SSX2IP: variants seen among roughly 807,000 people sequenced by gnomAD.
SSX2IP encodes the protein afadin- and alpha-actinin-binding protein.
In SSX2IP, 55 loss-of-function variants were observed where a neutral mutation model predicts 84.9. That is an observed-to-expected ratio of 0.65 (90% CI 0.52 to 0.81). SSX2IP has a LOEUF of 0.81. Among genes scored for constraint, SSX2IP ranks in the 30% least tolerant of loss-of-function variants. SSX2IP has a pLI of 0.00. For synonymous variants in SSX2IP, 239 were observed against 234.7 expected (o/e 1.02, Z -0.17); for missense variants, 664 against 705.2 (o/e 0.94, Z 0.66).
rs760304925 is a variant in SSX2IP at position 84,656,427 on chromosome 1, T to C, written c.1136A>G (p.His379Arg). Residue 379 changes from histidine (H) to arginine (R), a missense_variant, in exon 10 of 14, where the codon CAT (histidine) becomes CGT (arginine). His to Arg is a conservative substitution (Grantham distance 29). Coordinates refer to ENST00000342203, the MANE Select transcript of SSX2IP (RefSeq NM_001166293.2). ...NDEDVISRQD[H>R]EQETEKLELE... ...CTCGAGTTTTTCAGTTTCTTGTTCA[T>C]GGTCTTGTCGTGAGATTACATCTTC... The C allele has an allele frequency of 6.2e-7, 1 of 1,613,674 alleles. No homozygotes were observed. Among genetic ancestry groups the C allele is most frequent in the Admixed American group, 1.7e-5 (1 of 60,014 alleles).
In SSX2IP at chr1:84,647,623, A is replaced by G; in HGVS notation, c.1671-16T>C. The G allele has an allele frequency of 6.5e-7, 1 of 1,537,590 alleles. No homozygotes were observed. Among genetic ancestry groups the G allele is most frequent in the South Asian group, 1.3e-5 (1 of 78,376 alleles). On this transcript the variant is annotated splice_polypyrimidine_tract_variant and intron_variant, in intron 13 of 13. Coordinates refer to ENST00000342203, the MANE Select transcript of SSX2IP (RefSeq NM_001166293.2). ...ATTGATTGAACTGTTGGGAAAAGAA[A>G]GGCAGATCTTAGTGACTATCCTCTC...
intron 2 of SSX2IP, 148 bp downstream of exon 2, chr1:84,671,029 T>C: frequency 9.6e-7 from 1 of 1,046,200 alleles, no homozygotes. Flanking sequence ...ACAGTGGTGT[T>C]CTCAGTAGAC....
chr1:84,668,227 C>T (rs1428701802), intron 4 of SSX2IP, among the ~76,000 whole-genome samples: 5 of 152,138 alleles, frequency 3.3e-5, no homozygotes, highest in African/African-American at 4.8e-5. Context: ...AGATCACCAA[C>T]ATATCATAAT....
chr1:84,670,911 C>T (rs1303415160), intron 2 of SSX2IP, 96 bp from the exon 3 acceptor site: 1 of 900,072 alleles, frequency 1.1e-6, no homozygotes, highest in Non-Finnish European at 1.7e-6. Context: ...TACATATATA[C>T]ATATAAACAT....
intron 1 of SSX2IP, among the ~76,000 whole-genome samples, chr1:84,672,517 G>A (rs893705977): frequency 1.3e-5 from 2 of 152,042 alleles, no homozygotes; most frequent in African/African-American, 2.4e-5. Flanking sequence ...ATCTTGATCT[G>A]AGATGTGGTT....
At chr1:84,661,680 T>A (rs1001415965) in intron 8 of SSX2IP, among the ~76,000 whole-genome samples, 6 of 152,182 alleles carry the variant, frequency 3.9e-5, no homozygotes, top group Non-Finnish European at 7.4e-5. Flanking sequence ...TTCCCAAAGT[T>A]AACAGAAGTT....
At position 84,657,780 on chromosome 1, in the gene SSX2IP, T is replaced by C. The variant is rs6687110; in HGVS notation, c.1078+538A>G. ...ATCCATGATGTCCTCTTTTCAAACA[T>C]TCACTCTGAGACCAAAGTGTATTTT... On this transcript the variant is annotated intron_variant, in intron 9 of 13. Transcript: ENST00000342203. Among the ~76,000 whole-genome samples the C allele has an allele frequency of 3.3e-3, 505 of 152,292 alleles. 2 individuals carry two copies. The highest frequency in any genetic ancestry group is 0.012 in the African/African-American group (485 of 41,550).
At chr1:84,659,108 C>G (rs1458771718) in intron 8 of SSX2IP, among the ~76,000 whole-genome samples, 1 of 152,088 alleles carries the variant, frequency 6.6e-6, no homozygotes, top group East Asian at 1.9e-4. Flanking sequence ...GTCATAATAA[C>G]CCACATCTAC....
At chr1:84,672,741 T>C (rs753652987) in intron 1 of SSX2IP, among the ~76,000 whole-genome samples, 32 of 152,312 alleles carry the variant, frequency 2.1e-4, no homozygotes, top group Non-Finnish European at 3.8e-4. Flanking sequence ...AATGAAAATT[T>C]AGTCTGGCTG....
chr1:84,669,804 A>G lies in SSX2IP; in HGVS notation c.303T>C (p.Asn101=), dbSNP rs746607025. Residue 101 remains asparagine (N), a synonymous_variant, in exon 4 of 14, where the codon AAT becomes AAC. Transcript: ENST00000342203. The part of the protein sequence containing the change: ...KRELNIVAVL[N]CMNELLVLQR... ...GAAGCACAAGCAGCTCATTCATACA[A>G]TTTAGTACAGCTACTATATTTAACT... The G allele has an allele frequency of 5.6e-6, 9 of 1,613,618 alleles. No individual in the cohort carries two copies. Among genetic ancestry groups the G allele is most frequent in the Non-Finnish European group, 6.8e-6 (8 of 1,179,756 alleles).
chr1:84,665,497 T>C (rs529702804), intron 5 of SSX2IP, among the ~76,000 whole-genome samples: 4 of 152,310 alleles, frequency 2.6e-5, no homozygotes, highest in Non-Finnish European at 4.4e-5. Flanking sequence ...TCAGGGGTCA[T>C]ACTTTAGAGC....
At chr1:84,664,905 A>G (rs1652545046) in intron 5 of SSX2IP, among the ~76,000 whole-genome samples, 1 of 152,160 alleles carries the variant, frequency 6.6e-6, no homozygotes. Flanking sequence ...TGTATTACTG[A>G]CTTACAATCA....
chr1:84,653,334 T>C (rs1650588979), intron 11 of SSX2IP, among the ~76,000 whole-genome samples: 2 of 152,180 alleles, frequency 1.3e-5, no homozygotes, highest in Admixed American at 1.3e-4. Context: ...CCAGTACTGG[T>C]AGCCACCACC....
chr1:84,674,049 GATAATCACT>G (rs1279236046), intron 1 of SSX2IP, among the ~76,000 whole-genome samples: 2 of 152,158 alleles, frequency 1.3e-5, no homozygotes, highest in African/African-American at 4.8e-5. Flanking sequence ...AGCTTTCTGA[GATAATCACT>G]ATAAGTAAAA....
chr1:84,650,187 GCA>G, intron 13 of SSX2IP, 173 bp downstream of exon 13: 1 of 657,598 alleles, frequency 1.5e-6, no homozygotes, highest in South Asian at 1.8e-5. Context: ...CCAGCATCTA[GCA>G]CAGTGTCTAT....
intron 1 of SSX2IP, among the ~76,000 whole-genome samples, chr1:84,688,525 A>G (rs888144322): frequency 1.3e-5 from 2 of 152,198 alleles, no homozygotes; most frequent in African/African-American, 4.8e-5. Flanking sequence ...TATACTACAT[A>G]AAAGGCACTC....
At chr1:84,680,082 G>C (rs1264960116) in intron 1 of SSX2IP, among the ~76,000 whole-genome samples, 2 of 152,178 alleles carry the variant, frequency 1.3e-5, no homozygotes, top group African/African-American at 4.8e-5. Context: ...GCATAAAATA[G>C]TGTGAACACA....
intron 1 of SSX2IP, among the ~76,000 whole-genome samples, chr1:84,685,843 G>T (rs1261412101): frequency 6.6e-6 from 1 of 151,602 alleles, no homozygotes; most frequent in East Asian, 1.9e-4. Context: ...CTATAGAATA[G>T]AAAATAAAAT....
Position 84,669,706 on chromosome 1 carries a change from A to G in SSX2IP, c.401T>C (p.Leu134Pro). 6.2e-7 allele frequency: 1 copy of G among 1,613,762 alleles called. No individual in the cohort carries two copies. Among genetic ancestry groups the G allele is most frequent in the South Asian group, 1.1e-5 (1 of 91,074 alleles). Residue 134 changes from leucine to proline, a missense_variant, in exon 4 of 14, where the codon CTA becomes CCA. Physicochemically the swap from Leu to Pro is moderately conservative, Grantham distance 98. Transcript: ENST00000342203. ...CTTAAGTTTTGAGTAGCAGCTCTGT[A>G]GATGGTCCATATCACTTCCCAGCTT... ...NLKLGSDMDH[L>P]QSCYSKLKEQ... is the part of the protein sequence containing the mutation.
Sources: allele counts gnomAD v4.1 joint callset (sites outside exome capture counted in the v4.1 genomes callset), GRCh38; gene constraint gnomAD v4.1.1; transcripts MANE v1.5; gene names NCBI Gene and HGNC (gene_info 2026-07-23, HGNC 2026-07-21).